Variants in EFR3A observed in about 807,000 individuals in gnomAD.
EFR3A encodes the protein EFR3 homolog A.
Under a neutral mutation model 104.4 loss-of-function variants are expected in EFR3A, and 76 were observed. That is an observed-to-expected ratio of 0.73 (90% CI 0.60 to 0.88). The LOEUF (loss-of-function observed/expected upper bound fraction) is 0.88. Ranked by LOEUF, EFR3A falls within the 40% of genes least tolerant of loss-of-function variation. The pLI, the probability that EFR3A is intolerant of heterozygous loss-of-function variation, is 0.00. For missense variants in EFR3A, 985 were observed against 1,012.5 expected (o/e 0.97, Z 0.37); for synonymous variants, 330 against 330.0 (o/e 1.00, Z 0.00).
chr8:131,982,341 C>T (rs769832576), intron 14 of EFR3A, among the ~76,000 whole-genome samples: 4 of 151,940 alleles, frequency 2.6e-5, no homozygotes, highest in Non-Finnish European at 5.9e-5. Context: ...CTGCGTGTGG[C>T]TTCGATAGTA....
chr8:131,962,377 A>G (rs1433540965), intron 8 of EFR3A, among the ~76,000 whole-genome samples: 4 of 152,216 alleles, frequency 2.6e-5, no homozygotes, highest in Non-Finnish European at 5.9e-5. Flanking sequence ...CTACCAAGCA[A>G]ATGGAAAACA....
At chr8:131,956,134 A>C (rs936632520) in intron 7 of EFR3A, among the ~76,000 whole-genome samples, 2 of 152,206 alleles carry the variant, frequency 1.3e-5, no homozygotes, top group Non-Finnish European at 2.9e-5. Flanking sequence ...TAATGTGTTA[A>C]TATCATGTGC....
chr8:131,946,128 CATTA>C (rs1818426809), intron 3 of EFR3A, among the ~76,000 whole-genome samples: 1 of 151,872 alleles, frequency 6.6e-6, no homozygotes, highest in Non-Finnish European at 1.5e-5. Context: ...GAAATTGTCA[CATTA>C]ATAATTATTT....
At chr8:131,911,481 T>C (rs1228220951) in intron 1 of EFR3A, among the ~76,000 whole-genome samples, 5 of 152,158 alleles carry the variant, frequency 3.3e-5, no homozygotes, top group Admixed American at 3.3e-4. Flanking sequence ...GAATTTGAAC[T>C]TAAAAGGCCG....
At chr8:131,924,311 T>C in intron 1 of EFR3A, 2 of 249,314 alleles carry the variant, frequency 8.0e-6, no homozygotes, top group South Asian at 7.2e-5. Flanking sequence ...AATTAATTTT[T>C]TCACCAAGTA....
Position 131,987,690 on chromosome 8 carries a change from CCA to C in EFR3A, c.2056_2057del (p.Gln686SerfsTer4). ...TGAGAGATTGTCAGTTCCGTATGTACCACAAGTAACAGGTAAGAGGAGGATAA... is the reference window on the plus strand; with the variant it reads ...TGAGAGATTGTCAGTTCCGTATGTACCAAGTAACAGGTAAGAGGAGGATAA... ...SVERLSVPYV[P>X]QVTDEDRLSR... On this transcript the variant is annotated frameshift_variant, in exon 18 of 23. Transcript: ENST00000254624. LOFTEE classifies it high-confidence loss of function. 1 of 1,590,838 alleles carries C rather than the reference CCA, an allele frequency of 6.3e-7. No homozygotes were observed. Among genetic ancestry groups the C allele is most frequent in the Non-Finnish European group, 8.6e-7 (1 of 1,167,860 alleles).
intron 2 of EFR3A, among the ~76,000 whole-genome samples, chr8:131,941,771 G>A (rs893759105): frequency 6.6e-6 from 1 of 152,106 alleles, no homozygotes; most frequent in African/African-American, 2.4e-5. Context: ...GAGCTTTGAA[G>A]TATGTATACC....
intron 18 of EFR3A, among the ~76,000 whole-genome samples, chr8:131,992,196 C>T (rs576186532): frequency 2.0e-5 from 3 of 152,292 alleles, no homozygotes; most frequent in African/African-American, 7.2e-5. Flanking sequence ...GATCAGCAGG[C>T]ATGACCACAT....
intron 6 of EFR3A, 139 bp downstream of exon 6, chr8:131,954,106 CT>C (rs893348737): frequency 3.6e-5 from 31 of 854,388 alleles, no homozygotes; most frequent in Middle Eastern, 3.9e-4. Flanking sequence ...AAATATGTAC[CT>C]TTCTGAAAAA....
chr8:132,000,480 G>GGA (rs1360827926), intron 19 of EFR3A, among the ~76,000 whole-genome samples: 4 of 152,090 alleles, frequency 2.6e-5, no homozygotes, highest in Non-Finnish European at 5.9e-5. Context: ...CTGAATTAAG[G>GGA]CAAACAGGGA....
At chr8:131,987,828 A>G (rs1036024559) in intron 18 of EFR3A, 126 bp downstream of exon 18, 2 of 1,000,142 alleles carry the variant, frequency 2.0e-6, no homozygotes, top group Admixed American at 6.7e-5. Flanking sequence ...GCCATTTTCA[A>G]ATGCTTAAGA....
intron 1 of EFR3A, among the ~76,000 whole-genome samples, chr8:131,925,196 T>C (rs934088849): frequency 1.4e-4 from 21 of 152,156 alleles, no homozygotes; most frequent in Non-Finnish European, 2.9e-5. Context: ...CATGATGTCC[T>C]TTAAATATTT....
chr8:132,010,675 G>A lies in EFR3A; in HGVS notation c.2361-115G>A. ...GCTGGCCAGTAACTACAATGGCATT[G>A]ATCACTGCAATTAAGGAGTCTGACT... On this transcript the variant is annotated intron_variant, in intron 22 of 22. Transcript: ENST00000254624. 5.5e-6 allele frequency: 7 copies of A among 1,266,858 alleles called. No individual in the cohort carries two copies. In the South Asian group the frequency reaches 7.5e-5, roughly 14 times the overall value. 78.5% of individuals were successfully genotyped at this position (1,266,858 alleles called of 1,614,324 possible).
In EFR3A at chr8:131,984,151, C is replaced by T. The variant is rs755007157; in HGVS notation, c.1588C>T (p.Leu530=). Residue 530 remains leucine (L), a synonymous_variant, in exon 15 of 23, where the codon CTG becomes TTG. Transcript: ENST00000254624. ...TSFMKKNGQQ[L]YRHIYLGCKE... is the part of the protein sequence containing the mutation. ...CTTTTCTCCTCAGAATGGGCAACAG[C>T]TGTATCGGCACATATATTTGGGTTG... 6.2e-7 allele frequency: 1 copy of T among 1,605,606 alleles called. No individual in the cohort carries two copies. Among genetic ancestry groups the T allele is most frequent in the Non-Finnish European group, 8.5e-7 (1 of 1,176,890 alleles).
chr8:131,994,899 TGA>T (rs1821397396), intron 18 of EFR3A, among the ~76,000 whole-genome samples: 1 of 152,156 alleles, frequency 6.6e-6, no homozygotes, highest in Admixed American at 6.6e-5. Flanking sequence ...GGGAACTCTT[TGA>T]GAGAGTTAGA....
intron 1 of EFR3A, among the ~76,000 whole-genome samples, chr8:131,909,716 A>G (rs915191775): frequency 6.6e-6 from 1 of 152,092 alleles, no homozygotes; most frequent in African/African-American, 2.4e-5. Context: ...TAGGGGTAAC[A>G]GGGGCTGTCC....
At chr8:131,980,850 A>G (rs1021916688) in intron 14 of EFR3A, among the ~76,000 whole-genome samples, 1 of 151,900 alleles carries the variant, frequency 6.6e-6, no homozygotes, top group Non-Finnish European at 1.5e-5. Context: ...CTTGCTAACC[A>G]CCATTCTCTA....
At chr8:131,982,567 A>G (rs1208229704) in intron 14 of EFR3A, among the ~76,000 whole-genome samples, 2 of 152,166 alleles carry the variant, frequency 1.3e-5, no homozygotes, top group Non-Finnish European at 2.9e-5. Flanking sequence ...ACCAATTTGT[A>G]AAGTTATTAT....
chr8:131,977,333 T>C (rs1314866081), intron 12 of EFR3A, among the ~76,000 whole-genome samples: 2 of 152,158 alleles, frequency 1.3e-5, no homozygotes, highest in East Asian at 3.8e-4. Context: ...TATTGCTGTC[T>C]TATAGACGAA....
Sources: allele counts gnomAD v4.1 joint callset (sites outside exome capture counted in the v4.1 genomes callset), GRCh38; gene constraint gnomAD v4.1.1; transcripts MANE v1.5; gene names NCBI Gene and HGNC (gene_info 2026-07-23, HGNC 2026-07-21).